ARHGAP15: variants seen among roughly 807,000 people sequenced by gnomAD.
ARHGAP15 encodes Rho GTPase activating protein 15, also known as rho GTPase-activating protein 15.
A neutral mutation model predicts 63.7 loss-of-function variants in ARHGAP15; 51 were observed. The observed-to-expected ratio is 0.80, with a 90% CI of 0.64 to 1.01. The LOEUF (loss-of-function observed/expected upper bound fraction) is 1.01, where lower values mean the gene tolerates loss of function less well. Ranked by LOEUF, ARHGAP15 falls within the 50% of genes least tolerant of loss-of-function variation. The pLI, the probability that ARHGAP15 is intolerant of heterozygous loss-of-function variation, is 0.00. For missense variants in ARHGAP15, 560 were observed against 564.6 expected (o/e 0.99, Z 0.08); for synonymous variants, 191 against 193.8 (o/e 0.99, Z 0.12).
At chr2:143,296,691 T>C (rs1231548514) in intron 6 of ARHGAP15, among the ~76,000 whole-genome samples, 1 of 151,980 alleles carries the variant, frequency 6.6e-6, no homozygotes, top group Non-Finnish European at 1.5e-5. Context: ...ACTTTTACTT[T>C]AGGTATTAGG....
chr2:143,277,735 C>T (rs1374781677), intron 6 of ARHGAP15, among the ~76,000 whole-genome samples: 1 of 152,078 alleles, frequency 6.6e-6, no homozygotes, highest in East Asian at 1.9e-4. Flanking sequence ...ATTCCTTCTT[C>T]AAATTCTCTG....
chr2:143,545,859 T>G (rs977117578), intron 10 of ARHGAP15, among the ~76,000 whole-genome samples: 1 of 152,096 alleles, frequency 6.6e-6, no homozygotes, highest in African/African-American at 2.4e-5. Context: ...CTGCTGGAGC[T>G]CATGGCATAC....
chr2:143,335,724 T>C (rs1684743434), intron 6 of ARHGAP15, among the ~76,000 whole-genome samples: 1 of 152,176 alleles, frequency 6.6e-6, no homozygotes, highest in Admixed American at 6.5e-5. Context: ...CTCAGTGTTT[T>C]AAGCTGTCAG....
At chr2:143,556,271 T>C (rs910555100) in intron 10 of ARHGAP15, 137 bp from the exon 11 acceptor site, 27 of 585,460 alleles carry the variant, frequency 4.6e-5, no homozygotes, top group Non-Finnish European at 6.8e-5. Context: ...ATTTTGAAGA[T>C]TGCATAATTT....
intron 10 of ARHGAP15, among the ~76,000 whole-genome samples, chr2:143,536,320 G>C (rs1280212274): frequency 6.6e-6 from 1 of 151,850 alleles, no homozygotes; most frequent in Non-Finnish European, 1.5e-5. Flanking sequence ...TCTGTTCCTG[G>C]TTTATTTCAC....
chr2:143,210,203 T>G (rs1692512265), intron 3 of ARHGAP15, among the ~76,000 whole-genome samples: 1 of 151,772 alleles, frequency 6.6e-6, no homozygotes, highest in African/African-American at 2.4e-5. Context: ...TGGGTGGAAG[T>G]TGGGTGGTGC....
At chr2:143,638,516 G>C (rs1328494781) in intron 12 of ARHGAP15, among the ~76,000 whole-genome samples, 1 of 103,354 alleles carries the variant, frequency 9.7e-6, no homozygotes, top group African/African-American at 3.7e-5. Context: ...TGGGGGGAGG[G>C]GGGAGGGATA....
At chr2:143,643,075 T>A (rs1680685280) in intron 12 of ARHGAP15, among the ~76,000 whole-genome samples, 1 of 152,126 alleles carries the variant, frequency 6.6e-6, no homozygotes, top group Non-Finnish European at 1.5e-5. Context: ...AATTCAATAC[T>A]GCAGATGGGT....
At position 143,735,722 on chromosome 2, in the gene ARHGAP15, T is replaced by C. The variant is rs1014201389; in HGVS notation, c.1244+32198T>C. Among the ~76,000 whole-genome samples the C allele has an allele frequency of 1.5e-4, 23 of 152,142 alleles. No homozygotes were observed. The East Asian group carries it at 3.9e-3, about 26-fold the overall frequency. On this transcript the variant is annotated intron_variant, in intron 13 of 13. Transcript: ENST00000295095. ...AGGGAGAAGCAGTTTTCCCCAAAGA[T>C]GGTCTTAGCAAGAAGAAGAAGAATG...
chr2:143,310,671 T>C (rs1683404206), intron 6 of ARHGAP15, among the ~76,000 whole-genome samples: 1 of 152,044 alleles, frequency 6.6e-6, no homozygotes, highest in East Asian at 1.9e-4. Context: ...ATAAAAAGTG[T>C]AGCTGCCTTA....
chr2:143,743,893 AC>A (rs1559156782), intron 13 of ARHGAP15, among the ~76,000 whole-genome samples: 3 of 152,166 alleles, frequency 2.0e-5, no homozygotes, highest in African/African-American at 7.2e-5. Flanking sequence ...GAAAAAAAAA[AC>A]ATTATTAAGA....
chr2:143,584,829 A>G lies in ARHGAP15; in HGVS notation c.1003+28344A>G, dbSNP rs1697048172. Among the ~76,000 whole-genome samples, 4 of 152,274 alleles carry G rather than the reference A, an allele frequency of 2.6e-5. 1 individual carries two copies. Among genetic ancestry groups the G allele is most frequent in the Admixed American group, 2.0e-4 (3 of 15,294 alleles). On this transcript the variant is annotated intron_variant, in intron 11 of 13. Coordinates refer to ENST00000295095, the MANE Select transcript of ARHGAP15 (RefSeq NM_018460.4). ...TTTTATTCTCAGTGCAAGATTTTTG[A>G]TCTACATTTCTGAATAGCTTGGAAA... is the stretch of plus-strand genomic sequence containing the variant.
intron 11 of ARHGAP15, among the ~76,000 whole-genome samples, chr2:143,586,468 T>G (rs1295004697): frequency 6.6e-6 from 1 of 152,070 alleles, no homozygotes; most frequent in Non-Finnish European, 1.5e-5. Context: ...TTTTATGTCT[T>G]TAATCTTTTT....
intron 11 of ARHGAP15, among the ~76,000 whole-genome samples, chr2:143,576,650 A>G (rs889549033): frequency 3.9e-5 from 6 of 152,148 alleles, no homozygotes; most frequent in Non-Finnish European, 7.4e-5. Context: ...AATGGAATAC[A>G]GCAAAGAACA....
intron 2 of ARHGAP15, among the ~76,000 whole-genome samples, chr2:143,173,063 C>T (rs1690861869): frequency 6.6e-6 from 1 of 151,938 alleles, no homozygotes; most frequent in Admixed American, 6.6e-5. Flanking sequence ...CCCAAGAAGA[C>T]TCAAATAAAA....
intron 12 of ARHGAP15, among the ~76,000 whole-genome samples, chr2:143,637,684 G>T (rs1315960591): frequency 1.3e-5 from 2 of 151,178 alleles, no homozygotes; most frequent in Non-Finnish European, 2.9e-5. Context: ...CAATGGAGCA[G>T]TTAGAGATAA....
intron 12 of ARHGAP15, among the ~76,000 whole-genome samples, chr2:143,661,905 G>A (rs1681811700): frequency 1.3e-5 from 2 of 152,236 alleles, no homozygotes; most frequent in Non-Finnish European, 2.9e-5. Context: ...CCCGCACCTG[G>A]CTCGGAGGGT....
intron 6 of ARHGAP15, among the ~76,000 whole-genome samples, chr2:143,326,379 C>T (rs1327108462): frequency 6.6e-6 from 1 of 152,152 alleles, no homozygotes; most frequent in Non-Finnish European, 1.5e-5. Context: ...GTTCAAATAA[C>T]TTACCAAAAG....
intron 8 of ARHGAP15, among the ~76,000 whole-genome samples, chr2:143,476,500 T>C (rs1207904383): frequency 1.3e-5 from 2 of 152,222 alleles, no homozygotes; most frequent in African/African-American, 4.8e-5. Flanking sequence ...GGGAAAAGAC[T>C]CAGCCCTATG....
Sources: allele counts gnomAD v4.1 joint callset (sites outside exome capture counted in the v4.1 genomes callset), GRCh38; gene constraint gnomAD v4.1.1; transcripts MANE v1.5; gene names NCBI Gene and HGNC (gene_info 2026-07-23, HGNC 2026-07-21).